Variants in DIAPH2 observed in about 807,000 individuals in gnomAD.
DIAPH2 encodes the protein diaphanous related formin 2.
Under a neutral mutation model 92.7 loss-of-function variants are expected in DIAPH2, and 35 were observed. That is an observed-to-expected ratio of 0.38 (90% CI 0.29 to 0.50). The LOEUF is 0.50. DIAPH2 is among the 20% of genes least tolerant of loss of function. The pLI, the probability that DIAPH2 is intolerant of heterozygous loss-of-function variation, is 0.94. For missense variants in DIAPH2, 701 were observed against 819.5 expected (o/e 0.86, Z 1.77); for synonymous variants, 301 against 280.4 (o/e 1.07, Z -0.73).
chrX:97,540,497 C>T (rs1361006360), intron 26 of DIAPH2, among the ~76,000 whole-genome samples: 1 of 112,073 alleles, frequency 8.9e-6, no homozygotes, highest in East Asian at 2.8e-4. Flanking sequence ...GCAAACTTTG[C>T]AGTAGAATTT....
Position 96,701,281 on chromosome X carries a change from A to T in DIAPH2, c.132+16091A>T, listed in dbSNP as rs769489583. ...GGGGCATCATGCTGAGGGTATAAAC[A>T]TAAGTATATACAGGTCTTACTCTTG... On this transcript the variant is annotated intron_variant, in intron 1 of 26. Transcript: ENST00000324765. 6.3e-5 allele frequency among the ~76,000 whole-genome samples: 7 copies of T among 111,842 alleles called. No individual in the cohort carries two copies. The East Asian group carries it at 2.0e-3, about 31-fold the overall frequency.
chrX:97,185,459 A>G (rs1410809408), intron 22 of DIAPH2, among the ~76,000 whole-genome samples: 4 of 45,461 alleles, frequency 8.8e-5, no homozygotes, highest in East Asian at 6.5e-4. Context: ...GTGTGTGTAT[A>G]TATATATATA....
At chrX:97,244,130 G>A (rs962517723) in intron 22 of DIAPH2, among the ~76,000 whole-genome samples, 1 of 112,010 alleles carries the variant, frequency 8.9e-6, no homozygotes, top group Non-Finnish European at 1.9e-5. Flanking sequence ...AGAGAATTTG[G>A]AGTAGAGCTC....
At chrX:97,535,320 T>G (rs1490162511) in intron 26 of DIAPH2, among the ~76,000 whole-genome samples, 1 of 112,304 alleles carries the variant, frequency 8.9e-6, no homozygotes, top group African/African-American at 3.2e-5. Context: ...AAACCTAAAA[T>G]TATTCTAAAA....
Position 97,195,871 on chromosome X carries a change from T to G in DIAPH2, c.2720-51844T>G, listed in dbSNP as rs185693065. ...TCCATGGGGCAGTAGTAAACGTGATTGTTCATAGAGCAGAAAAGCTTATCA... is the reference window on the plus strand; with the variant it reads ...TCCATGGGGCAGTAGTAAACGTGATGGTTCATAGAGCAGAAAAGCTTATCA... On this transcript the variant is annotated intron_variant, in intron 22 of 26. Transcript: ENST00000324765. 3.6e-3 allele frequency among the ~76,000 whole-genome samples: 393 copies of G among 109,205 alleles called. 1 individual carries two copies. Among genetic ancestry groups the G allele is most frequent in the African/African-American group, 0.012 (364 of 30,029 alleles). 94.8% of individuals were successfully genotyped at this position (109,205 alleles called of 115,157 possible). A position where few individuals can be genotyped will look rare whatever the true frequency, so the allele number is the denominator to read the frequency against.
At chrX:97,290,423 T>A (rs1284460316) in intron 23 of DIAPH2, among the ~76,000 whole-genome samples, 1 of 111,884 alleles carries the variant, frequency 8.9e-6, no homozygotes, top group African/African-American at 3.2e-5. Flanking sequence ...TGAGGGACTT[T>A]GGATCTCATT....
chrX:96,687,312 G>T (rs1241832764), intron 1 of DIAPH2, among the ~76,000 whole-genome samples: 1 of 112,136 alleles, frequency 8.9e-6, no homozygotes, highest in Admixed American at 9.4e-5. Flanking sequence ...TAAAATTTCC[G>T]CTACAGAGGA....
intron 19 of DIAPH2, among the ~76,000 whole-genome samples, chrX:97,085,033 C>T (rs1210172043): frequency 9.0e-6 from 1 of 111,184 alleles, no homozygotes; most frequent in Non-Finnish European, 1.9e-5. Context: ...TGAGATGAGG[C>T]TATCATAATT....
At chrX:97,215,146 TATA>T (rs1569331925) in intron 22 of DIAPH2, among the ~76,000 whole-genome samples, 1 of 111,463 alleles carries the variant, frequency 9.0e-6, no homozygotes, top group Non-Finnish European at 1.9e-5. Context: ...ATAAAGGAAA[TATA>T]ATGATCTCAT....
chrX:97,037,163 G>A (rs192900288), intron 17 of DIAPH2, among the ~76,000 whole-genome samples: 45 of 111,208 alleles, frequency 4.0e-4, no homozygotes, highest in African/African-American at 1.4e-3. Context: ...CTTAAACATT[G>A]AGAGTAACAA....
intron 26 of DIAPH2, among the ~76,000 whole-genome samples, chrX:97,504,224 G>T (rs1336055997): frequency 8.9e-6 from 1 of 112,007 alleles, no homozygotes; most frequent in Non-Finnish European, 1.9e-5. Flanking sequence ...ATCTTAGATA[G>T]GCTGTATAGT....
At chrX:96,895,296 T>C (rs1485381007) in intron 5 of DIAPH2, among the ~76,000 whole-genome samples, 2 of 111,870 alleles carry the variant, frequency 1.8e-5, no homozygotes, top group East Asian at 5.6e-4. Flanking sequence ...TGAGCCACTA[T>C]GCCTGGTCCA....
chrX:97,272,713 G>A (rs1486548850), intron 23 of DIAPH2, among the ~76,000 whole-genome samples: 1 of 111,726 alleles, frequency 9.0e-6, no homozygotes, highest in Non-Finnish European at 1.9e-5. Context: ...ATGAAGACAG[G>A]AAAATAATTC....
chrX:96,894,974 A>ATTTTTTTTTTTTTTT (rs766131166), intron 5 of DIAPH2, among the ~76,000 whole-genome samples: 4 of 59,544 alleles, frequency 6.7e-5, no homozygotes, highest in East Asian at 6.2e-4. Context: ...GTTTTTCTTA[A>ATTTTTTTTTTTTTTT]TTTTTTTTTT....
intron 5 of DIAPH2, among the ~76,000 whole-genome samples, chrX:96,894,333 T>G (rs1265739925): frequency 2.7e-5 from 3 of 110,517 alleles, no homozygotes; most frequent in Non-Finnish European, 1.9e-5. Flanking sequence ...GATCATATCT[T>G]AAATTGGTAC....
chrX:97,160,534 A>G (rs1005101275), intron 22 of DIAPH2, among the ~76,000 whole-genome samples: 4 of 112,149 alleles, frequency 3.6e-5, no homozygotes, highest in African/African-American at 9.7e-5. Context: ...AGATATATAT[A>G]TATTGCTAAG....
At chrX:96,962,448 TAC>T (rs1234556787) in intron 16 of DIAPH2, among the ~76,000 whole-genome samples, 3 of 66,879 alleles carry the variant, frequency 4.5e-5, no homozygotes, top group Non-Finnish European at 7.6e-5. Flanking sequence ...TATACATATA[TAC>T]ACACACATAT....
intron 23 of DIAPH2, among the ~76,000 whole-genome samples, chrX:97,338,523 G>T (rs2069085284): frequency 8.9e-6 from 1 of 112,068 alleles, no homozygotes; most frequent in Non-Finnish European, 1.9e-5. Context: ...TTGTATATTT[G>T]TGACTTCCTT....
chrX:97,406,805 G>A (rs1166172669), intron 25 of DIAPH2, among the ~76,000 whole-genome samples: 1 of 111,561 alleles, frequency 9.0e-6, no homozygotes, highest in Non-Finnish European at 1.9e-5. Context: ...TTTCACTGAT[G>A]AGTTTAGGTG....
Sources: gnomAD v4.1 joint callset for allele counts (sites outside exome capture counted in the v4.1 genomes callset) on GRCh38, gnomAD v4.1.1 for gene constraint, MANE v1.5 for transcripts, NCBI Gene and HGNC (gene_info 2026-07-23, HGNC 2026-07-21) for gene names.